Variants in ZNF286A observed in about 807,000 individuals in gnomAD.
ZNF286A encodes the protein zinc finger protein 286A.
Under a neutral mutation model 49.3 loss-of-function variants are expected in ZNF286A, and 34 were observed. The observed-to-expected ratio is 0.69, with a 90% CI of 0.52 to 0.92. The LOEUF is 0.92. Among genes scored for constraint, ZNF286A ranks in the 40% least tolerant of loss-of-function variants. ZNF286A has a pLI of 0.00. For missense variants in ZNF286A, 462 were observed against 600.2 expected (o/e 0.77, Z 2.41); for synonymous variants, 155 against 200.4 (o/e 0.77, Z 1.91).
At position 15,718,790 on chromosome 17, in the gene ZNF286A, T is replaced by C. The variant is rs1567716805; in HGVS notation, c.*1500T>C. ...GAAATGCCTGAGACTGGGTAACTTA[T>C]AAAGAAAAAAGGTTTAATTGGCTCA... On this transcript the variant is annotated 3_prime_UTR_variant, in exon 6 of 6. Coordinates refer to ENST00000583566, the MANE Select transcript of ZNF286A (RefSeq NM_001130842.2). 1.4e-5 allele frequency: 2 copies of C among 147,946 alleles called. No individual in the cohort carries two copies. 9.2% of individuals were successfully genotyped at this position (147,946 alleles called of 1,614,324 possible). A position where few individuals can be genotyped will look rare whatever the true frequency, so the allele number is the denominator to read the frequency against.
chr17:15,701,084 T>G (rs1190288504), intron 2 of ZNF286A, 68 bp from the exon 3 acceptor site: 1 of 1,414,522 alleles, frequency 7.1e-7, no homozygotes, highest in African/African-American at 1.4e-5. Flanking sequence ...GTTGAAGTGG[T>G]TTTTAGACTT....
chr17:15,704,796 G>A (rs1193065006), intron 3 of ZNF286A: 1 of 1,613,898 alleles, frequency 6.2e-7, no homozygotes, highest in East Asian at 2.2e-5. Flanking sequence ...CCTCCTCGTT[G>A]GGAAAGACCT....
intron 5 of ZNF286A, among the ~76,000 whole-genome samples, chr17:15,711,838 A>C (rs1990668254): frequency 6.8e-6 from 1 of 146,208 alleles, no homozygotes; most frequent in Admixed American, 6.8e-5. Flanking sequence ...AGAAACTCTA[A>C]ATTTGCATTT....
Position 15,716,979 on chromosome 17 carries a change from T to C in ZNF286A, c.1255T>C (p.Phe419Leu), listed in dbSNP as rs375600203. ...TGAATGCAGTGAATGTGGAAAAACT[T>C]TTAGTCAGAGCACACATCTTGTTCA... ...PYECSECGKT[F>L]SQSTHLVQHQ... is the part of the protein sequence containing the mutation. The change falls in exon 6 of 6, where the codon TTT becomes CTT. Residue 419 changes from phenylalanine (F) to leucine (L), a missense_variant. By Grantham distance (22) the Phe-to-Leu change is conservative (BLOSUM62 0). Coordinates refer to ENST00000583566, the MANE Select transcript of ZNF286A (RefSeq NM_001130842.2). 5 of 1,612,274 alleles carry C rather than the reference T, an allele frequency of 3.1e-6. No individual in the cohort carries two copies. Among genetic ancestry groups the C allele is most frequent in the Non-Finnish European group, 4.2e-6 (5 of 1,179,140 alleles).
At chr17:15,711,867 C>G (rs962513002) in intron 5 of ZNF286A, among the ~76,000 whole-genome samples, 16 of 100,726 alleles carry the variant, frequency 1.6e-4, no homozygotes, top group African/African-American at 5.9e-4. Flanking sequence ...TCTGCCCCCC[C>G]CCCGGCTTTT....
intron 5 of ZNF286A, among the ~76,000 whole-genome samples, chr17:15,708,595 G>A (rs922703435): frequency 2.0e-5 from 3 of 152,128 alleles, no homozygotes; most frequent in African/African-American, 7.2e-5. Flanking sequence ...AGCGCCTCTA[G>A]AAGCACCGGT....
At chr17:15,712,404 A>G (rs1034356582) in intron 5 of ZNF286A, among the ~76,000 whole-genome samples, 2 of 152,208 alleles carry the variant, frequency 1.3e-5, no homozygotes, top group Non-Finnish European at 2.9e-5. Context: ...TCAACATCTT[A>G]ACTATTTGAT....
Position 15,718,634 on chromosome 17 carries a change from A to G in ZNF286A, c.*1344A>G, listed in dbSNP as rs1401188379. 1 of 151,500 alleles carries G rather than the reference A, an allele frequency of 6.6e-6. No individual in the cohort carries two copies. Among genetic ancestry groups the G allele is most frequent in the Non-Finnish European group, 1.5e-5 (1 of 67,958 alleles). 9.4% of individuals were successfully genotyped at this position (151,500 alleles called of 1,614,324 possible). A position where few individuals can be genotyped will look rare whatever the true frequency, so the allele number is the denominator to read the frequency against. On this transcript the variant is annotated 3_prime_UTR_variant, in exon 6 of 6. Transcript: ENST00000583566. Reference sequence around the variant, plus strand: ...CAAGGCACGGAAAATAGCTCACAGGATAGTCCTCAACTGACTTGCTTGAGG... The same window carrying G: ...CAAGGCACGGAAAATAGCTCACAGGGTAGTCCTCAACTGACTTGCTTGAGG...
rs574482467 is a variant in ZNF286A, at chr17:15,707,211, C to T, written c.241+710C>T. ...ATCCCAGCACTTTGGGAGGCCGAGGCGGGTGGATCACGAGGTCAGGAGATC... is the reference window on the plus strand; with the variant it reads ...ATCCCAGCACTTTGGGAGGCCGAGGTGGGTGGATCACGAGGTCAGGAGATC... On this transcript the variant is annotated intron_variant, in intron 4 of 5. Coordinates refer to ENST00000583566, the MANE Select transcript of ZNF286A (RefSeq NM_001130842.2). Among the ~76,000 whole-genome samples, 49 of 152,014 alleles carry T rather than the reference C, an allele frequency of 3.2e-4. 1 individual carries two copies. The East Asian group carries it at 8.2e-3, about 25-fold the overall frequency.
chr17:15,699,848 C>G (rs1398174537), intron 1 of ZNF286A, 71 bp downstream of exon 1: 5 of 702,316 alleles, frequency 7.1e-6, no homozygotes, highest in Admixed American at 2.0e-5. Flanking sequence ...CGTTCTGTGC[C>G]GAGTCGGGGC....
Position 15,701,162 on chromosome 17 carries a change from C to T in ZNF286A, c.48C>T (p.Ser16=), listed in dbSNP as rs534393124. The change falls in exon 3 of 6, where the codon TCC becomes TCT. Residue 16 remains serine, a synonymous_variant. Coordinates refer to ENST00000583566, the MANE Select transcript of ZNF286A (RefSeq NM_001130842.2). ...CTTTCTTGTCGTTAGCTCTGTCTTC[C>T]CAGGATTCTCCCCATTTCCAAGAGA... ...AEMPEKGALS[S]QDSPHFQEKS... The T allele has an allele frequency of 1.7e-5, 27 of 1,614,052 alleles. No homozygotes were observed. The highest frequency in any genetic ancestry group is 2.2e-5 in the Non-Finnish European group (26 of 1,180,004).
chr17:15,715,344 TG>T (rs1966976625), intron 5 of ZNF286A, among the ~76,000 whole-genome samples: 2 of 152,034 alleles, frequency 1.3e-5, no homozygotes, highest in Non-Finnish European at 2.9e-5. Flanking sequence ...TATATCCTGG[TG>T]GTCACCTTAT....
intron 3 of ZNF286A, 191 bp downstream of exon 3, chr17:15,701,431 C>A (rs1041656418): frequency 1.0e-5 from 5 of 478,524 alleles, no homozygotes; most frequent in African/African-American, 9.7e-5. Context: ...GGATGGATTT[C>A]TTCCCTATTT....
At position 15,708,265 on chromosome 17, in the gene ZNF286A, G is replaced by A. The variant is rs1326229359; in HGVS notation, c.334+18G>A. Reference sequence around the variant, plus strand: ...CTATTCAGGTGAGCCAGATAGATGGGAGTCTTCATAAATGATAGCCCAGCA... The same window carrying A: ...CTATTCAGGTGAGCCAGATAGATGGAAGTCTTCATAAATGATAGCCCAGCA... On this transcript the variant is annotated intron_variant, in intron 5 of 5. Coordinates refer to ENST00000583566, the MANE Select transcript of ZNF286A (RefSeq NM_001130842.2). 2 of 1,555,028 alleles carry A rather than the reference G, an allele frequency of 1.3e-6. No individual in the cohort carries two copies. Among genetic ancestry groups the A allele is most frequent in the Non-Finnish European group, 8.7e-7 (1 of 1,150,708 alleles).
At chr17:15,711,870 C>CGCT (rs1990684271) in intron 5 of ZNF286A, among the ~76,000 whole-genome samples, 11 of 94,602 alleles carry the variant, frequency 1.2e-4, no homozygotes, top group Admixed American at 5.5e-4. Context: ...GCCCCCCCCC[C>CGCT]GGCTTTTTTT....
At position 15,717,438 on chromosome 17, in the gene ZNF286A, C is replaced by T; in HGVS notation, c.*148C>T. 7.4e-7 allele frequency: 1 copy of T among 1,352,414 alleles called. No homozygotes were observed. The highest frequency in any genetic ancestry group is 9.8e-7 in the Non-Finnish European group (1 of 1,018,934). The allele number at this position is 1,352,414 out of a possible 1,614,324, so 83.8% of individuals were successfully genotyped here. A position where few individuals can be genotyped will look rare whatever the true frequency, so the allele number is the denominator to read the frequency against. On this transcript the variant is annotated 3_prime_UTR_variant, in exon 6 of 6. Transcript: ENST00000583566. ...ATTTGCGTAATACATAGTTTTGAGC[C>T]ATAAGCAGGTTCTTTATGTCCGTTA...
chr17:15,707,830 A>G (rs927149288), intron 4 of ZNF286A, among the ~76,000 whole-genome samples: 1 of 152,088 alleles, frequency 6.6e-6, no homozygotes, highest in Non-Finnish European at 1.5e-5. Flanking sequence ...CTTTATACCC[A>G]TTACAAATAA....
At chr17:15,710,943 G>T (rs773800625) in intron 5 of ZNF286A, among the ~76,000 whole-genome samples, 2 of 146,364 alleles carry the variant, frequency 1.4e-5, no homozygotes, top group South Asian at 2.1e-4. Flanking sequence ...ACGGAGTCTT[G>T]CTCTGTCTCT....
rs376913590 is a variant in ZNF286A, at chr17:15,717,191, C to T, written c.1467C>T (p.Thr489=). The change falls in exon 6 of 6, where the codon ACC becomes ACT. Residue 489 remains threonine (T), a synonymous_variant. Transcript: ENST00000583566. ...TCATTCAACATCAGAGAACTCATACCGGAGAGAAACCCTTTAGATGTAATG... is the reference window on the plus strand; with the variant it reads ...TCATTCAACATCAGAGAACTCATACTGGAGAGAAACCCTTTAGATGTAATG... ...SALIQHQRTH[T]GEKPFRCNEC... 1.2e-4 allele frequency: 196 copies of T among 1,606,924 alleles called. 1 individual carries two copies. In the African/African-American group the frequency reaches 1.6e-3, roughly 13 times the overall value.
Sources: gnomAD v4.1 joint callset for allele counts (sites outside exome capture counted in the v4.1 genomes callset) on GRCh38, gnomAD v4.1.1 for gene constraint, MANE v1.5 for transcripts, NCBI Gene and HGNC (gene_info 2026-07-23, HGNC 2026-07-21) for gene names.